Variants in AKAP12 observed in about 807,000 individuals in gnomAD.
AKAP12 encodes the protein A-kinase anchor protein 12.
AKAP12 carries 32 observed loss-of-function variants against 79.9 expected under a neutral mutation model. The observed-to-expected ratio is 0.40, with a 90% CI of 0.30 to 0.54. The LOEUF (loss-of-function observed/expected upper bound fraction) is 0.54. Ranked by LOEUF, AKAP12 falls within the 20% of genes least tolerant of loss-of-function variation. The pLI is 0.48. For synonymous variants in AKAP12, 808 were observed against 857.0 expected (o/e 0.94, Z 1.00); for missense variants, 2,074 against 2,177.0 (o/e 0.95, Z 0.94).
intron 2 of AKAP12, among the ~76,000 whole-genome samples, chr6:151,242,641 C>A (rs1392761002): frequency 6.6e-6 from 1 of 152,234 alleles, no homozygotes; most frequent in Non-Finnish European, 1.5e-5. Flanking sequence ...CTTGCCTCCC[C>A]TCTTCTTGTT....
rs1323917391 is a variant in AKAP12, at chr6:151,305,876, G to C, written c.292G>C (p.Glu98Gln). 1 of 1,612,628 alleles carries C rather than the reference G, an allele frequency of 6.2e-7. No individual in the cohort carries two copies. The highest frequency in any genetic ancestry group is 8.5e-7 in the Non-Finnish European group (1 of 1,179,314). ...LNGQGALNSQEEEEVIVTEVG... is the reference protein window; with the variant it reads ...LNGQGALNSQQEEEVIVTEVG... ...CGGTCAAGGAGCCCTAAACAGCCAG[G>C]AGGAAGAAGAAGTCATTGTCACAGA... The change falls in exon 3 of 5, where the codon GAG (glutamate) becomes CAG (glutamine). Residue 98 changes from glutamate to glutamine, a missense_variant. Transcript: ENST00000402676.
In AKAP12 at chr6:151,350,464, A is replaced by G. The variant is rs757753758; in HGVS notation, c.2073A>G (p.Arg691=). The G allele has an allele frequency of 1.9e-6, 3 of 1,614,152 alleles. No homozygotes were observed. Among genetic ancestry groups the G allele is most frequent in the South Asian group, 2.2e-5 (2 of 91,080 alleles). Residue 691 remains arginine, a synonymous_variant, in exon 4 of 5, where the codon AGA becomes AGG. Coordinates refer to ENST00000402676, the MANE Select transcript of AKAP12 (RefSeq NM_005100.4). The surrounding 1 kb of genome is among the most constrained non-coding windows in gnomAD (Gnocchi z 4.8). ...ALICVGSSKK[R]ARRGSSSDEE... is the part of the protein sequence containing the mutation. ...TTTGTGTGGGATCATCCAAGAAAAGAGCAAGGAGAGGGTCCTCTTCTGATG... is the reference window on the plus strand; with the variant it reads ...TTTGTGTGGGATCATCCAAGAAAAGGGCAAGGAGAGGGTCCTCTTCTGATG...
chr6:151,338,599 G>A (rs1777873595), intron 3 of AKAP12, among the ~76,000 whole-genome samples: 1 of 152,008 alleles, frequency 6.6e-6, no homozygotes, highest in Admixed American at 6.6e-5. Flanking sequence ...GGGACTACAG[G>A]CACCCACCAC....
intron 2 of AKAP12, among the ~76,000 whole-genome samples, chr6:151,255,254 C>T (rs1183366975): frequency 6.6e-6 from 1 of 152,030 alleles, no homozygotes; most frequent in Non-Finnish European, 1.5e-5. Context: ...CAACCTCTGC[C>T]TCCCGGGTTC....
At chr6:151,291,635 C>A (rs1245409403) in intron 2 of AKAP12, among the ~76,000 whole-genome samples, 1 of 152,182 alleles carries the variant, frequency 6.6e-6, no homozygotes, top group Non-Finnish European at 1.5e-5. Flanking sequence ...TAAGCACACA[C>A]GTCAGAGAAA....
Position 151,240,644 on chromosome 6 carries a change from A to AGCG in AKAP12, c.91_93dup (p.Gly31dup). On this transcript the variant is annotated inframe_insertion, in exon 2 of 5. Transcript: ENST00000402676. ...CTCCACGCCGGCTGAGCCCGAGCCCAGCGGCGGCGGCCCCTCGGCCGAGGC... is the reference window on the plus strand; with the variant it reads ...CTCCACGCCGGCTGAGCCCGAGCCCAGCGGCGGCGGCGGCCCCTCGGCCGAGGC... The AGCG allele has an allele frequency of 1.5e-6, 2 of 1,341,014 alleles. No individual in the cohort carries two copies. The highest frequency in any genetic ancestry group is 1.9e-6 in the Non-Finnish European group (2 of 1,050,036). 83.1% of individuals were successfully genotyped at this position (1,341,014 alleles called of 1,614,324 possible). A position where few individuals can be genotyped will look rare whatever the true frequency, so the allele number is the denominator to read the frequency against.
In AKAP12 at chr6:151,351,387, C is replaced by A. The variant is rs775693302; in HGVS notation, c.2996C>A (p.Thr999Asn). ...EGTEASAAEE[T>N]TEMVSAVSQL... Reference sequence around the variant, plus strand: ...ACCGAAGCATCTGCTGCTGAAGAGACCACAGAAATGGTGTCAGCAGTCTCC... The same window carrying A: ...ACCGAAGCATCTGCTGCTGAAGAGAACACAGAAATGGTGTCAGCAGTCTCC... Residue 999 changes from threonine (T) to asparagine (N), a missense_variant, in exon 4 of 5, where the codon ACC becomes AAC. By Grantham distance (65) the Thr-to-Asn change is moderately conservative. Around this residue, in one of 3 missense-constraint regions of AKAP12, gnomAD observed 1,428 missense variants for 1,451.0 expected, o/e 0.98. Coordinates refer to ENST00000402676, the MANE Select transcript of AKAP12 (RefSeq NM_005100.4). The surrounding 1 kb of genome is among the most constrained non-coding windows in gnomAD (Gnocchi z 4.4). 5.6e-6 allele frequency: 9 copies of A among 1,614,194 alleles called. No homozygotes were observed. Among genetic ancestry groups the A allele is most frequent in the Non-Finnish European group, 7.6e-6 (9 of 1,180,044 alleles).
At chr6:151,304,233 T>A (rs545584224) in intron 2 of AKAP12, among the ~76,000 whole-genome samples, 1 of 152,032 alleles carries the variant, frequency 6.6e-6, no homozygotes, top group South Asian at 2.1e-4. Context: ...CTCACACCTG[T>A]AATCCTAGCA....
intron 2 of AKAP12, among the ~76,000 whole-genome samples, chr6:151,242,279 A>G (rs768117336): frequency 1.3e-5 from 2 of 152,140 alleles, no homozygotes; most frequent in East Asian, 3.9e-4. Context: ...ACCCTGAAAT[A>G]TGGGATTTAA....
intron 3 of AKAP12, among the ~76,000 whole-genome samples, chr6:151,318,401 G>T (rs142452435): frequency 1.0e-3 from 155 of 152,328 alleles, no homozygotes; most frequent in African/African-American, 3.5e-3. Context: ...CTGGTCCTAA[G>T]TATTCCCCTA....
chr6:151,251,313 C>T (rs182660219), intron 2 of AKAP12, among the ~76,000 whole-genome samples: 61 of 152,306 alleles, frequency 4.0e-4, no homozygotes, highest in Non-Finnish European at 5.9e-5. Context: ...GTGAGTGCGT[C>T]GTGAACCCCT....
rs56827614 is a variant in AKAP12, at chr6:151,276,506, G to C, written c.163-29241G>C. On this transcript the variant is annotated intron_variant, in intron 2 of 4. Coordinates refer to ENST00000402676, the MANE Select transcript of AKAP12 (RefSeq NM_005100.4). ...TTAGGGCTGTAATGGAATTGAGAAA[G>C]GATGGCTAATTAGAGTAACTTTGCT... Among the ~76,000 whole-genome samples the C allele has an allele frequency of 6.6e-3, 1,003 of 152,338 alleles. 11 individuals carry two copies. Among genetic ancestry groups the C allele is most frequent in the African/African-American group, 0.023 (952 of 41,578 alleles).
At chr6:151,256,221 G>A (rs1797294797) in intron 2 of AKAP12, among the ~76,000 whole-genome samples, 1 of 152,086 alleles carries the variant, frequency 6.6e-6, no homozygotes, top group Non-Finnish European at 1.5e-5. Context: ...GTTAAAGCTT[G>A]GATTTTCCAG....
In AKAP12 at chr6:151,352,197, A is replaced by G; in HGVS notation, c.3806A>G (p.Gln1269Arg). Residue 1269 changes from glutamine (Q) to arginine (R), a missense_variant, in exon 4 of 5, where the codon CAG becomes CGG. Physicochemically the swap from Gln to Arg is conservative, Grantham distance 43. Transcript: ENST00000402676. ...ACTGAGGGGACTCAAGAGGCTGACC[A>G]GTATGCTGATGAGAAAACCAAAGAC... ...SKTEGTQEAD[Q>R]YADEKTKDVP... The G allele has an allele frequency of 9.9e-6, 16 of 1,614,226 alleles. No individual in the cohort carries two copies. The highest frequency in any genetic ancestry group is 1.4e-5 in the Non-Finnish European group (16 of 1,180,042).
intron 3 of AKAP12, among the ~76,000 whole-genome samples, chr6:151,336,151 C>G (rs1777808997): frequency 6.6e-6 from 1 of 152,158 alleles, no homozygotes; most frequent in Non-Finnish European, 1.5e-5. Flanking sequence ...ACCACATTTT[C>G]TTTATCCAGT....
intron 2 of AKAP12, chr6:151,298,829 T>C (rs978875214): frequency 6.6e-6 from 1 of 151,440 alleles, no homozygotes; most frequent in African/African-American, 2.4e-5. Context: ...AATGAAAAAA[T>C]TTTTTTCTTT....
At chr6:151,320,805 C>T (rs1777361370) in intron 3 of AKAP12, among the ~76,000 whole-genome samples, 1 of 152,130 alleles carries the variant, frequency 6.6e-6, no homozygotes, top group African/African-American at 2.4e-5. Context: ...CCAATGGCTC[C>T]CTATAGTCTT....
chr6:151,337,653 C>T (rs924341486), intron 3 of AKAP12, among the ~76,000 whole-genome samples: 6 of 152,144 alleles, frequency 3.9e-5, no homozygotes, highest in African/African-American at 9.7e-5. Context: ...CATTTTCCCT[C>T]GCTTGCTATA....
intron 3 of AKAP12, among the ~76,000 whole-genome samples, chr6:151,312,667 C>T (rs1253991452): frequency 6.6e-6 from 1 of 151,886 alleles, no homozygotes; most frequent in African/African-American, 2.4e-5. Flanking sequence ...TGGCGGGCGC[C>T]TGTAGTCCCA....
Sources: allele counts gnomAD v4.1 joint callset (sites outside exome capture counted in the v4.1 genomes callset), GRCh38; gene constraint gnomAD v4.1.1; regional missense constraint gnomAD v4.1.1; non-coding constraint Gnocchi (gnomAD v3.1); transcripts MANE v1.5; gene names NCBI Gene and HGNC (gene_info 2026-07-23, HGNC 2026-07-21).